Variants in DPP6 observed in about 807,000 individuals in gnomAD.
The protein encoded by DPP6 is A-type potassium channel modulatory protein DPP6.
In DPP6, 69 loss-of-function variants were observed where a neutral mutation model predicts 122.6. The ratio of observed to expected loss-of-function variants is 0.56; its 90% CI spans 0.46 to 0.69. The LOEUF is 0.69. DPP6 is among the 30% of genes least tolerant of loss of function. DPP6 has a pLI of 0.00. For synonymous variants in DPP6, 418 were observed against 433.1 expected (o/e 0.97, Z 0.43); for missense variants, 928 against 1,116.9 (o/e 0.83, Z 2.41).
chr7:154,164,538 G>T (rs1452169542), intron 1 of DPP6, among the ~76,000 whole-genome samples: 1 of 152,050 alleles, frequency 6.6e-6, no homozygotes, highest in Admixed American at 6.6e-5. Flanking sequence ...TATTTTCAGA[G>T]AATTGTGGAA....
At chr7:154,281,024 T>TTTATTTAA (rs1554507883) in intron 1 of DPP6, among the ~76,000 whole-genome samples, 3 of 150,858 alleles carry the variant, frequency 2.0e-5, no homozygotes, top group Admixed American at 1.3e-4. Flanking sequence ...TATTTATTTA[T>TTTATTTAA]TTTTTGGAGA....
chr7:154,309,109 G>A (rs1251594759), intron 1 of DPP6, among the ~76,000 whole-genome samples: 1 of 152,184 alleles, frequency 6.6e-6, no homozygotes, highest in African/African-American at 2.4e-5. Context: ...GTGAGAATAT[G>A]CCTTTCCTCA....
chr7:154,153,847 T>C (rs541504953), intron 1 of DPP6, among the ~76,000 whole-genome samples: 1 of 152,284 alleles, frequency 6.6e-6, no homozygotes, highest in South Asian at 2.1e-4. Context: ...CATAGTTTGC[T>C]GACTGCCGCC....
In DPP6 at chr7:153,971,042, T is replaced by C. The variant is rs1293391351; in HGVS notation, c.51+83308T>C. 3.6e-4 allele frequency among the ~76,000 whole-genome samples: 55 copies of C among 152,192 alleles called. 1 individual carries two copies. The highest frequency in any genetic ancestry group is 3.5e-3 in the Admixed American group (53 of 15,272). ...AGAAAATCCACTTAGAATATTAAGA[T>C]TGCATTAACTCTATACATCAATTTT... On this transcript the variant is annotated intron_variant, in intron 1 of 25. Coordinates refer to the DPP6 transcript ENST00000404039.
chr7:154,704,945 A>T (rs1840743776), intron 7 of DPP6, among the ~76,000 whole-genome samples: 1 of 152,102 alleles, frequency 6.6e-6, no homozygotes, highest in Non-Finnish European at 1.5e-5. Context: ...TATATTGTCG[A>T]GGCTGGGTCT....
rs548579639 is a variant in DPP6 at position 154,013,524 on chromosome 7, C to A, written c.51+125790C>A. Among the ~76,000 whole-genome samples, 257 of 148,444 alleles carry A rather than the reference C, an allele frequency of 1.7e-3. 2 individuals are homozygous for A. The highest frequency in any genetic ancestry group is 6.1e-3 in the African/African-American group (246 of 40,330). On this transcript the variant is annotated intron_variant, in intron 1 of 25. Coordinates refer to the DPP6 transcript ENST00000404039. The stretch of plus-strand genomic sequence containing the variant: ...AAGTTAAAAAAAAACAACATACAAC[C>A]AAATATAGTTAAAACAGGAAAATCT...
intron 1 of DPP6, among the ~76,000 whole-genome samples, chr7:154,296,993 T>A (rs1415347230): frequency 1.3e-5 from 2 of 152,076 alleles, no homozygotes; most frequent in Non-Finnish European, 2.9e-5. Flanking sequence ...GGAAGTGTAC[T>A]GCCTTAAGCA....
chr7:154,801,959 G>A (rs73500268), intron 13 of DPP6, among the ~76,000 whole-genome samples: 47 of 152,098 alleles, frequency 3.1e-4, no homozygotes, highest in African/African-American at 1.1e-3. Flanking sequence ...TGGCGAGTTC[G>A]GAATGGAGCA....
intron 3 of DPP6, among the ~76,000 whole-genome samples, chr7:154,507,230 C>G (rs954445583): frequency 1.3e-5 from 2 of 152,042 alleles, no homozygotes; most frequent in Admixed American, 1.3e-4. Flanking sequence ...TGCAAGTAGA[C>G]AATATTTAGA....
intron 1 of DPP6, among the ~76,000 whole-genome samples, chr7:154,264,832 G>C (rs1416379504): frequency 6.6e-6 from 1 of 152,000 alleles, no homozygotes; most frequent in Non-Finnish European, 1.5e-5. Context: ...TAGTGATAGT[G>C]ATGATGGTGT....
intron 8 of DPP6, among the ~76,000 whole-genome samples, chr7:154,764,151 C>T (rs1330120447): frequency 6.6e-6 from 1 of 152,150 alleles, no homozygotes; most frequent in East Asian, 1.9e-4. Context: ...GCTGTCCTTT[C>T]CCGGGCTTGG....
At chr7:154,513,841 T>C (rs1045990210) in intron 3 of DPP6, among the ~76,000 whole-genome samples, 7 of 152,178 alleles carry the variant, frequency 4.6e-5, no homozygotes, top group African/African-American at 1.7e-4. Context: ...AATATGCCAC[T>C]GAGGGGAGAG....
At chr7:154,350,057 A>G (rs1810719707) in intron 1 of DPP6, among the ~76,000 whole-genome samples, 1 of 152,200 alleles carries the variant, frequency 6.6e-6, no homozygotes, top group African/African-American at 2.4e-5. Flanking sequence ...GATTAAGTAA[A>G]ATATCAGTCA....
At chr7:154,558,493 A>G (rs562763609) in intron 4 of DPP6, among the ~76,000 whole-genome samples, 211 of 152,360 alleles carry the variant, frequency 1.4e-3, no homozygotes, top group Non-Finnish European at 2.4e-3. Context: ...GTGTCACATA[A>G]TGGCATCTTA....
At chr7:153,755,879 T>A in the DPP6 span, among the ~76,000 whole-genome samples, 1 of 152,168 alleles carries the variant, frequency 6.6e-6, no homozygotes, top group Middle Eastern at 3.2e-3. Context: ...TCCCTCTAAA[T>A]GATTAGATCA....
chr7:154,440,641 G>A (rs1280655028), intron 1 of DPP6, among the ~76,000 whole-genome samples: 2 of 152,202 alleles, frequency 1.3e-5, no homozygotes, highest in Admixed American at 1.3e-4. Context: ...CATTTTGGGA[G>A]CGAGACATTG....
the DPP6 span, among the ~76,000 whole-genome samples, chr7:153,819,103 G>C: frequency 5.2e-5 from 4 of 76,618 alleles, no homozygotes; most frequent in African/African-American, 1.8e-4. Context: ...TAACTTTTAA[G>C]CTCAGAGGTG....
chr7:154,810,874 C>A (rs1243055337), intron 16 of DPP6, among the ~76,000 whole-genome samples: 1 of 152,180 alleles, frequency 6.6e-6, no homozygotes, highest in Non-Finnish European at 1.5e-5. Flanking sequence ...ATGCCTGGAT[C>A]CCTATAATAA....
At chr7:154,868,974 C>T (rs1804131267) in intron 18 of DPP6, among the ~76,000 whole-genome samples, 2 of 152,170 alleles carry the variant, frequency 1.3e-5, no homozygotes, top group Middle Eastern at 3.2e-3. Flanking sequence ...ATGCAGACAC[C>T]ACTTACCCAT....
Sources: gnomAD v4.1 joint callset for allele counts (sites outside exome capture counted in the v4.1 genomes callset) on GRCh38, gnomAD v4.1.1 for gene constraint, MANE v1.5 for transcripts, NCBI Gene and HGNC (gene_info 2026-07-23, HGNC 2026-07-21) for gene names.